The following DPP10 variants were observed in gnomAD, a reference collection of about 807,000 sequenced individuals.
DPP10 encodes the protein dipeptidyl peptidase like 10.
A neutral mutation model predicts 120.9 loss-of-function variants in DPP10; 33 were observed. The ratio of observed to expected loss-of-function variants is 0.27; its 90% CI spans 0.21 to 0.37. The LOEUF is 0.37. Among genes scored for constraint, DPP10 ranks in the 10% least tolerant of loss-of-function variants. The probability of loss-of-function intolerance (pLI) is 1.00; values close to 1 mark genes in which losing one functional copy is unlikely to be tolerated. For missense variants in DPP10, 816 were observed against 942.8 expected, an observed-to-expected ratio of 0.87 and a Z score of 1.76; for synonymous variants, 337 against 326.1, an observed-to-expected ratio of 1.03 and a Z score of -0.36.
chr2:115,738,784 TCTG>T (rs1676914530), intron 8 of DPP10, among the ~76,000 whole-genome samples: 1 of 152,206 alleles, frequency 6.6e-6, no homozygotes, highest in Non-Finnish European at 1.5e-5. Flanking sequence ...CTCTTCTGAG[TCTG>T]CTGCTATTAT....
chr2:115,436,179 T>C (rs1328669518), intron 3 of DPP10, among the ~76,000 whole-genome samples: 1 of 151,834 alleles, frequency 6.6e-6, no homozygotes, highest in African/African-American at 2.4e-5. Context: ...TATGGAATAG[T>C]TACAAAAATC....
intron 1 of DPP10, among the ~76,000 whole-genome samples, chr2:115,005,796 G>A (rs1701780339): frequency 6.6e-6 from 1 of 152,120 alleles, no homozygotes; most frequent in South Asian, 2.1e-4. Context: ...ACACTCTGCA[G>A]GATATTATCC....
chr2:115,611,474 A>C (rs7570092), intron 5 of DPP10, among the ~76,000 whole-genome samples: 150,342 of 152,218 alleles, frequency 0.99, 74,276 homozygotes, highest in East Asian at 1. Flanking sequence ...TTGTTTATGT[A>C]AGAATTTAGT....
At chr2:115,345,082 C>G (rs1198080887) in intron 3 of DPP10, among the ~76,000 whole-genome samples, 1 of 152,040 alleles carries the variant, frequency 6.6e-6, no homozygotes, top group Non-Finnish European at 1.5e-5. Flanking sequence ...TGCAGGCACT[C>G]GAGATTGGTT....
intron 3 of DPP10, among the ~76,000 whole-genome samples, chr2:115,411,129 G>A (rs1439349483): frequency 2.0e-5 from 3 of 152,190 alleles, no homozygotes; most frequent in Non-Finnish European, 4.4e-5. Context: ...TCAGGGGTTC[G>A]AGACCAGCCT....
intron 1 of DPP10, among the ~76,000 whole-genome samples, chr2:114,553,688 AT>A (rs11374559): frequency 2.0e-5 from 3 of 151,616 alleles, no homozygotes; most frequent in Non-Finnish European, 2.9e-5. Flanking sequence ...GGCTTTCTTT[AT>A]TTTTTTTTCC....
chr2:115,640,817 T>G (rs1575416020), intron 5 of DPP10, among the ~76,000 whole-genome samples: 1 of 152,330 alleles, frequency 6.6e-6, no homozygotes, highest in East Asian at 1.9e-4. Flanking sequence ...TTCTTCTATG[T>G]GAAAGATGTT....
intron 1 of DPP10, among the ~76,000 whole-genome samples, chr2:115,011,371 CTT>C (rs1245932691): frequency 6.6e-6 from 1 of 152,150 alleles, no homozygotes; most frequent in Non-Finnish European, 1.5e-5. Context: ...AGACATGAAT[CTT>C]GAAATCTCTA....
intron 1 of DPP10, among the ~76,000 whole-genome samples, chr2:114,642,450 A>G (rs948670050): frequency 2.6e-5 from 4 of 151,966 alleles, no homozygotes; most frequent in Non-Finnish European, 5.9e-5. Flanking sequence ...ACAAAATTAA[A>G]CAAAAACTAA....
chr2:115,834,438 A>G (rs1226424327), intron 21 of DPP10, among the ~76,000 whole-genome samples: 1 of 152,148 alleles, frequency 6.6e-6, no homozygotes, highest in Non-Finnish European at 1.5e-5. Flanking sequence ...GATTTCCAGT[A>G]GCATAAAGAA....
chr2:114,808,585 A>T (rs909116261), intron 1 of DPP10, among the ~76,000 whole-genome samples: 17 of 151,384 alleles, frequency 1.1e-4, no homozygotes, highest in Non-Finnish European at 2.1e-4. Flanking sequence ...GGAAATTCCA[A>T]TAGCACTTGA....
rs141321713 is a variant in DPP10 at position 115,835,455 on chromosome 2, A to AAG, written c.1951-688_1951-687dup. 2.7e-4 allele frequency among the ~76,000 whole-genome samples: 41 copies of AAG among 151,688 alleles called. No individual in the cohort carries two copies. In the East Asian group the frequency reaches 5.4e-3, roughly 20 times the overall value. Reference sequence around the variant, plus strand: ...CCTGGTGCGGAAAGAGAGGGAGAGAAAGAGAGAGAGAGAGACCCTTGAAAA... The same window carrying AAG: ...CCTGGTGCGGAAAGAGAGGGAGAGAAAGAGAGAGAGAGAGAGACCCTTGAAAA... On this transcript the variant is annotated intron_variant, in intron 21 of 25. Transcript: ENST00000410059.
intron 1 of DPP10, among the ~76,000 whole-genome samples, chr2:114,821,998 G>T (rs1686129253): frequency 6.6e-6 from 1 of 152,096 alleles, no homozygotes; most frequent in Non-Finnish European, 1.5e-5. Context: ...CAATTCTGGG[G>T]TCAGGAGGAT....
chr2:114,466,595 T>C (rs1050176004), intron 1 of DPP10, among the ~76,000 whole-genome samples: 2 of 152,170 alleles, frequency 1.3e-5, no homozygotes, highest in Non-Finnish European at 2.9e-5. Context: ...AAGAAAATAA[T>C]AGTACCTAAC....
At chr2:115,289,503 A>AAAAAAAAAAAAAAAAAAAAAT (rs70941042) in intron 1 of DPP10, among the ~76,000 whole-genome samples, 8 of 96,268 alleles carry the variant, frequency 8.3e-5, no homozygotes, top group Admixed American at 2.3e-4. Context: ...AAAAAAAAAA[A>AAAAAAAAAAAAAAAAAAAAAT]AGGAAGAAAA....
At chr2:115,628,895 C>T (rs12987540) in intron 5 of DPP10, among the ~76,000 whole-genome samples, 62,826 of 151,400 alleles carry the variant, frequency 0.41, 15,998 homozygotes, top group Non-Finnish European at 0.58. Context: ...ATACATGTGC[C>T]ATGTTGGTGT....
intron 1 of DPP10, among the ~76,000 whole-genome samples, chr2:114,680,787 A>C (rs1017610923): frequency 6.6e-6 from 1 of 151,970 alleles, no homozygotes; most frequent in South Asian, 2.1e-4. Flanking sequence ...AATCAACCAG[A>C]TTACAACTGA....
chr2:115,219,575 C>T (rs138561236), intron 1 of DPP10, among the ~76,000 whole-genome samples: 3 of 152,194 alleles, frequency 2.0e-5, no homozygotes, highest in African/African-American at 7.2e-5. Flanking sequence ...AGGTGCTGTA[C>T]TTATCAACCA....
chr2:115,705,986 A>T (rs370896054), intron 7 of DPP10, among the ~76,000 whole-genome samples: 2 of 151,566 alleles, frequency 1.3e-5, no homozygotes, highest in Admixed American at 1.3e-4. Context: ...TTTGGGTTTA[A>T]TGGGGGGGAA....
Sources: gnomAD v4.1 joint callset for allele counts (sites outside exome capture counted in the v4.1 genomes callset) on GRCh38, gnomAD v4.1.1 for gene constraint, MANE v1.5 for transcripts, NCBI Gene and HGNC (gene_info 2026-07-23, HGNC 2026-07-21) for gene names.